Variants in GALNT18 observed in about 807,000 individuals in gnomAD.
The protein encoded by GALNT18 is polypeptide N-acetylgalactosaminyltransferase 18.
Under a neutral mutation model 69.5 loss-of-function variants are expected in GALNT18, and 44 were observed. That is an observed-to-expected ratio of 0.63 (90% CI 0.50 to 0.81). The LOEUF is 0.81. Among genes scored for constraint, GALNT18 ranks in the 40% least tolerant of loss-of-function variants. The pLI, the probability that GALNT18 is intolerant of heterozygous loss-of-function variation, is 0.00. For synonymous variants in GALNT18, 364 were observed against 318.2 expected (o/e 1.14, Z -1.53); for missense variants, 715 against 810.0 (o/e 0.88, Z 1.42).
chr11:11,445,827 T>C (rs990528969), intron 2 of GALNT18, among the ~76,000 whole-genome samples: 2 of 152,136 alleles, frequency 1.3e-5, no homozygotes, highest in Admixed American at 1.3e-4. Flanking sequence ...CCACAGACTG[T>C]AAAGTTCTGT....
intron 6 of GALNT18, among the ~76,000 whole-genome samples, chr11:11,343,767 G>A (rs886774233): frequency 1.7e-4 from 26 of 152,156 alleles, no homozygotes; most frequent in African/African-American, 1.2e-4. Flanking sequence ...AGCATGAGTC[G>A]TAGCAAAACT....
At position 11,589,582 on chromosome 11, in the gene GALNT18, AG is replaced by A. The variant is rs1171580953; in HGVS notation, c.235+31776del. On this transcript the variant is annotated intron_variant, in intron 1 of 10. Coordinates refer to ENST00000227756, the MANE Select transcript of GALNT18 (RefSeq NM_198516.3). ...ACCACGAGAGGCATTCAGCAGTTTTAGGGGTTTTTTTTTTTAAGGCCTTTAA... is the reference window on the plus strand; with the variant it reads ...ACCACGAGAGGCATTCAGCAGTTTTAGGGTTTTTTTTTTTAAGGCCTTTAA... 8.3e-5 allele frequency among the ~76,000 whole-genome samples: 11 copies of A among 131,992 alleles called. No homozygotes were observed. The South Asian group carries it at 9.2e-4, about 11-fold the overall frequency. 86.6% of individuals were successfully genotyped at this position (131,992 alleles called of 152,430 possible). A position where few individuals can be genotyped will look rare whatever the true frequency, so the allele number is the denominator to read the frequency against.
At position 11,396,538 on chromosome 11, in the gene GALNT18, G is replaced by A. The variant is rs1854331878; in HGVS notation, c.596-17274C>T. 6.6e-6 allele frequency among the ~76,000 whole-genome samples: 1 copy of A among 152,158 alleles called. No homozygotes were observed. Among genetic ancestry groups the A allele is most frequent in the African/African-American group, 2.4e-5 (1 of 41,434 alleles). ...TCCTCAGAAGTCTACATAGCAACAC[G>A]GACAGCTTGGTAACAAACAAAGAAA... On this transcript the variant is annotated intron_variant, in intron 3 of 10. Coordinates refer to ENST00000227756, the MANE Select transcript of GALNT18 (RefSeq NM_198516.3). The surrounding 1 kb of genome is among the most constrained non-coding windows in gnomAD (Gnocchi z 5.2).
Position 11,397,726 on chromosome 11 carries a change from C to T in GALNT18, c.596-18462G>A, listed in dbSNP as rs561767830. On this transcript the variant is annotated intron_variant, in intron 3 of 10. Transcript: ENST00000227756. ...GCTCAAGTGATCCACCTGCTTCAGC[C>T]TCCCAAAGTGCTGGGATCACAGGCA... Among the ~76,000 whole-genome samples the T allele has an allele frequency of 3.6e-4, 55 of 150,768 alleles. No individual in the cohort carries two copies. In the East Asian group the frequency reaches 9.9e-3, roughly 27 times the overall value.
Position 11,341,782 on chromosome 11 carries a change from C to G in GALNT18, c.1093-778G>C, listed in dbSNP as rs538695539. Among the ~76,000 whole-genome samples the G allele has an allele frequency of 1.3e-5, 2 of 151,850 alleles. No homozygotes were observed. The highest frequency in any genetic ancestry group is 4.8e-5 in the African/African-American group (2 of 41,320). ...CATTCTGCTGGTAATTTTAGAATGC[C>G]CCACTGCCCCCAACTCCTTCTTCAG... On this transcript the variant is annotated intron_variant, in intron 6 of 10. Coordinates refer to ENST00000227756, the MANE Select transcript of GALNT18 (RefSeq NM_198516.3). The surrounding 1 kb of genome is among the most constrained non-coding windows in gnomAD (Gnocchi z 6.3).
chr11:11,422,817 C>G (rs1165051923), intron 3 of GALNT18, among the ~76,000 whole-genome samples: 1 of 152,080 alleles, frequency 6.6e-6, no homozygotes, highest in Non-Finnish European at 1.5e-5. Context: ...GGCAAGCAAT[C>G]TGGGGAGCTC....
At chr11:11,302,094 G>A (rs1361893675) in intron 9 of GALNT18, among the ~76,000 whole-genome samples, 2 of 152,200 alleles carry the variant, frequency 1.3e-5, no homozygotes, top group African/African-American at 4.8e-5. Flanking sequence ...AATGCCATTT[G>A]AAAAATGATA....
intron 10 of GALNT18, among the ~76,000 whole-genome samples, chr11:11,280,723 G>C (rs1222803556): frequency 6.6e-6 from 1 of 152,128 alleles, no homozygotes; most frequent in Non-Finnish European, 1.5e-5. Context: ...CAGTGCCCAG[G>C]GTCACTGCCT....
Position 11,614,782 on chromosome 11 carries a change from ATTCTG to A in GALNT18, c.235+6572_235+6576del. Among the ~76,000 whole-genome samples, 1 of 152,328 alleles carries A rather than the reference ATTCTG, an allele frequency of 6.6e-6. No individual in the cohort carries two copies. Among genetic ancestry groups the A allele is most frequent in the East Asian group, 1.9e-4 (1 of 5,186 alleles). The stretch of plus-strand genomic sequence containing the variant: ...CAGACGTGGCTCTCTGACACTTTTC[ATTCTG>A]AATTCTCCTTGAGATTCTCCACCAA... On this transcript the variant is annotated intron_variant, in intron 1 of 10. Transcript: ENST00000227756. This position sits in a 1 kb window ranked among gnomAD's most constrained non-coding sequence, Gnocchi z 5.6.
chr11:11,310,451 TA>T (rs1261341004), intron 9 of GALNT18, among the ~76,000 whole-genome samples: 6 of 152,206 alleles, frequency 3.9e-5, no homozygotes, highest in Non-Finnish European at 5.9e-5. Context: ...CCAAGGATGC[TA>T]AAAATGCTGC....
chr11:11,422,062 T>C (rs114631274), intron 3 of GALNT18, among the ~76,000 whole-genome samples: 3,094 of 152,340 alleles, frequency 0.02, 94 homozygotes, highest in African/African-American at 0.071. Context: ...TCTATATCTA[T>C]ATCTATGAGA....
In GALNT18 at chr11:11,584,534, C is replaced by T. The variant is rs191120230; in HGVS notation, c.235+36825G>A. On this transcript the variant is annotated intron_variant, in intron 1 of 10. Coordinates refer to ENST00000227756, the MANE Select transcript of GALNT18 (RefSeq NM_198516.3). This position sits in a 1 kb window ranked among gnomAD's most constrained non-coding sequence, Gnocchi z 4.1. ...AGAAGCACGTCTGAACACGTAAGGA[C>T]CGAGAGGCGAGTCTTCAGTGAAACA... Among the ~76,000 whole-genome samples the T allele has an allele frequency of 6.6e-6, 1 of 152,212 alleles. No homozygotes were observed. The highest frequency in any genetic ancestry group is 1.9e-4 in the East Asian group (1 of 5,176).
chr11:11,405,894 C>T (rs2133746885), intron 3 of GALNT18, among the ~76,000 whole-genome samples: 1 of 152,342 alleles, frequency 6.6e-6, no homozygotes, highest in South Asian at 2.1e-4. Context: ...TTGCTGCAGG[C>T]AGCCTTACTG....
chr11:11,621,301 C>A lies in GALNT18; in HGVS notation c.235+58G>T. The A allele has an allele frequency of 3.4e-6, 5 of 1,461,116 alleles. No homozygotes were observed. In the African/African-American group the frequency reaches 4.2e-5, roughly 12 times the overall value. 90.5% of individuals were successfully genotyped at this position (1,461,116 alleles called of 1,614,324 possible). On this transcript the variant is annotated intron_variant, in intron 1 of 10. Coordinates refer to ENST00000227756, the MANE Select transcript of GALNT18 (RefSeq NM_198516.3). This position sits in a 1 kb window ranked among gnomAD's most constrained non-coding sequence, Gnocchi z 9.3. The stretch of plus-strand genomic sequence containing the variant: ...TGCGCACCAGCCCCAGCGCACCCCG[C>A]GCCGCGCGGGGCACTCCCGGGCCTC...
intron 6 of GALNT18, chr11:11,352,165 T>C (rs552097240): frequency 2.4e-5 from 38 of 1,613,460 alleles, no homozygotes; most frequent in Non-Finnish European, 2.9e-5. Flanking sequence ...GGGTGCTCCA[T>C]GGCCTCTCTT....
chr11:11,616,586 C>A lies in GALNT18; in HGVS notation c.235+4773G>T, dbSNP rs1860055977. Among the ~76,000 whole-genome samples the A allele has an allele frequency of 6.6e-6, 1 of 152,168 alleles. No individual in the cohort carries two copies. Among genetic ancestry groups the A allele is most frequent in the Non-Finnish European group, 1.5e-5 (1 of 68,014 alleles). Reference sequence around the variant, plus strand: ...AGTATACTGATGACAGAATACTATGCAGTCATTAAAAATACAGTAAAAGTT... The same window carrying A: ...AGTATACTGATGACAGAATACTATGAAGTCATTAAAAATACAGTAAAAGTT... On this transcript the variant is annotated intron_variant, in intron 1 of 10. Coordinates refer to ENST00000227756, the MANE Select transcript of GALNT18 (RefSeq NM_198516.3). The surrounding 1 kb of genome is among the most constrained non-coding windows in gnomAD (Gnocchi z 4.4).
chr11:11,517,682 A>T (rs1311021114), intron 1 of GALNT18, among the ~76,000 whole-genome samples: 5 of 151,898 alleles, frequency 3.3e-5, no homozygotes, highest in African/African-American at 1.2e-4. Context: ...AGCTACATAG[A>T]TGAGGCCGCA....
intron 8 of GALNT18, among the ~76,000 whole-genome samples, chr11:11,330,474 G>A (rs568540856): frequency 6.6e-6 from 1 of 152,274 alleles, no homozygotes; most frequent in East Asian, 1.9e-4. Flanking sequence ...GCTTATGTAG[G>A]GGCTTGTCCC....
chr11:11,288,538 G>C (rs776157940), intron 10 of GALNT18, among the ~76,000 whole-genome samples: 2 of 152,146 alleles, frequency 1.3e-5, no homozygotes, highest in South Asian at 4.1e-4. Context: ...AGCTCCTTGA[G>C]GGCAGAAGCT....
Sources: gnomAD v4.1 joint callset for allele counts (sites outside exome capture counted in the v4.1 genomes callset) on GRCh38, gnomAD v4.1.1 for gene constraint, Gnocchi (gnomAD v3.1) non-coding constraint, MANE v1.5 for transcripts, NCBI Gene and HGNC (gene_info 2026-07-23, HGNC 2026-07-21) for gene names.